Variants in DOCK10 observed in about 807,000 individuals in gnomAD.
DOCK10 encodes dedicator of cytokinesis 10.
A neutral mutation model predicts 280.1 loss-of-function variants in DOCK10; 145 were observed. The ratio of observed to expected loss-of-function variants is 0.52; its 90% confidence interval spans 0.45 to 0.59. The LOEUF is 0.59. Among genes scored for constraint, DOCK10 ranks in the 20% least tolerant of loss-of-function variants. The pLI, the probability that DOCK10 is intolerant of heterozygous loss-of-function variation, is 0.00. For synonymous variants in DOCK10, 915 were observed against 942.2 expected, an observed-to-expected ratio of 0.97 and a Z score of 0.53; for missense variants, 2,368 against 2,651.7, an observed-to-expected ratio of 0.89 and a Z score of 2.35.
intron 4 of DOCK10, among the ~76,000 whole-genome samples, chr2:224,890,287 T>C (rs1280491467): frequency 6.6e-6 from 1 of 152,192 alleles, no homozygotes; most frequent in African/African-American, 2.4e-5. Context: ...CGCATTAATG[T>C]AAATTTCCGC....
intron 11 of DOCK10, among the ~76,000 whole-genome samples, chr2:224,865,834 TTCTCTCTC>T (rs749148296): frequency 1.4e-5 from 2 of 143,620 alleles, no homozygotes; most frequent in Admixed American, 6.8e-5. Flanking sequence ...AACCTCCTGT[TTCTCTCTC>T]TCTCTCTCTC....
intron 1 of DOCK10, among the ~76,000 whole-genome samples, chr2:225,011,127 G>A (rs1467846834): frequency 6.6e-6 from 1 of 152,196 alleles, no homozygotes; most frequent in East Asian, 1.9e-4. Flanking sequence ...TATAGTCAAA[G>A]TTCTTTCACA....
intron 1 of DOCK10, among the ~76,000 whole-genome samples, chr2:224,966,629 A>G (rs767240593): frequency 6.6e-6 from 1 of 152,204 alleles, no homozygotes; most frequent in Non-Finnish European, 1.5e-5. Context: ...AACTGATCAC[A>G]CAGCCTTTAA....
intron 39 of DOCK10, among the ~76,000 whole-genome samples, chr2:224,803,239 C>T (rs1383840258): frequency 6.6e-6 from 1 of 152,030 alleles, no homozygotes; most frequent in African/African-American, 2.4e-5. Flanking sequence ...AACATGGAAA[C>T]TAATTCTTTA....
intron 47 of DOCK10, among the ~76,000 whole-genome samples, chr2:224,789,710 AG>A (rs1692010379): frequency 6.6e-6 from 1 of 152,024 alleles, no homozygotes; most frequent in African/African-American, 2.4e-5. Context: ...ATTGTACTCC[AG>A]CCTGGGTGAC....
In DOCK10 at chr2:224,823,648, C is replaced by T. The variant is rs944192330; in HGVS notation, c.3037-1G>A. On this transcript the variant is annotated splice_acceptor_variant, in intron 27 of 55. Transcript: ENST00000258390. LOFTEE classifies it high-confidence loss of function. ...CAGGAAATCTCTGAGGCCGGGGAAG[C>T]TAAGGAAAGAACGGATTATATCTTT... The T allele has an allele frequency of 4.4e-6, 7 of 1,588,532 alleles. No homozygotes were observed. In the African/African-American group the frequency reaches 9.6e-5, roughly 22 times the overall value.
chr2:224,770,143 C>A lies in DOCK10; in HGVS notation c.6444+68G>T. 1 of 1,419,980 alleles carries A rather than the reference C, an allele frequency of 7.0e-7. No homozygotes were observed. Among genetic ancestry groups the A allele is most frequent in the Non-Finnish European group, 9.2e-7 (1 of 1,084,434 alleles). 88.0% of individuals were successfully genotyped at this position (1,419,980 alleles called of 1,614,324 possible). On this transcript the variant is annotated intron_variant, in intron 55 of 55. Coordinates refer to ENST00000258390, the MANE Select transcript of DOCK10 (RefSeq NM_014689.3). The surrounding 1 kb of genome is among the most constrained non-coding windows in gnomAD (Gnocchi z 4.5). ...GCAAGAAAAGGGCCTCTTTCCTGTCCTTCTGGCATTGGGAGCGAAAGGGAC... is the reference window on the plus strand; with the variant it reads ...GCAAGAAAAGGGCCTCTTTCCTGTCATTCTGGCATTGGGAGCGAAAGGGAC...
At chr2:225,019,922 A>G (rs2106097587) in intron 1 of DOCK10, among the ~76,000 whole-genome samples, 1 of 152,354 alleles carries the variant, frequency 6.6e-6, no homozygotes. Flanking sequence ...AAGCTGAACC[A>G]ACAAGCTGAA....
intron 45 of DOCK10, among the ~76,000 whole-genome samples, chr2:224,794,322 T>C (rs1692404496): frequency 3.3e-5 from 5 of 152,260 alleles, no homozygotes; most frequent in Admixed American, 3.3e-4. Context: ...TTGGGTGCTA[T>C]GAATTGCTGC....
At position 224,792,956 on chromosome 2, in the gene DOCK10, A is replaced by G. The variant is rs376642115; in HGVS notation, c.5311+18T>C. 2.6e-6 allele frequency: 4 copies of G among 1,568,480 alleles called. No individual in the cohort carries two copies. The highest frequency in any genetic ancestry group is 3.5e-6 in the Non-Finnish European group (4 of 1,140,024). On this transcript the variant is annotated intron_variant, in intron 47 of 55. Transcript: ENST00000258390. ...GATTTCCTCTGCATTGGGATAAATG[A>G]GCAGTTAGGTCACTCACTTCCTCCA...
chr2:224,813,190 T>C (rs1057200280), intron 31 of DOCK10, among the ~76,000 whole-genome samples: 3 of 152,186 alleles, frequency 2.0e-5, no homozygotes, highest in African/African-American at 7.2e-5. Context: ...CCACCTTAAA[T>C]ATACAAAATT....
chr2:224,925,030 T>C (rs1701976944), intron 2 of DOCK10, among the ~76,000 whole-genome samples: 1 of 152,158 alleles, frequency 6.6e-6, no homozygotes, highest in South Asian at 2.1e-4. Flanking sequence ...AGAAAGAATC[T>C]AATTCGACAA....
intron 1 of DOCK10, among the ~76,000 whole-genome samples, chr2:224,980,493 G>A (rs758925756): frequency 3.8e-4 from 58 of 152,142 alleles, no homozygotes; most frequent in African/African-American, 4.8e-5. Flanking sequence ...GTTCATTGGC[G>A]GATTCCAAGT....
At chr2:225,007,783 C>T (rs1213971906) in intron 1 of DOCK10, among the ~76,000 whole-genome samples, 1 of 152,070 alleles carries the variant, frequency 6.6e-6, no homozygotes, top group Non-Finnish European at 1.5e-5. Flanking sequence ...TAAAAAACAT[C>T]CACAAAAAAG....
intron 23 of DOCK10, 100 bp downstream of exon 23, chr2:224,841,704 A>T: frequency 2.9e-6 from 2 of 700,892 alleles, no homozygotes. Context: ...AATCTTGAGT[A>T]ATAATCATCT....
At chr2:224,885,604 G>A (rs1699229753) in intron 7 of DOCK10, 67 bp downstream of exon 7, 1 of 1,461,534 alleles carries the variant, frequency 6.8e-7, no homozygotes, top group Non-Finnish European at 9.1e-7. Context: ...GATACTCCAT[G>A]AATATTTGTT....
Position 224,805,612 on chromosome 2 carries a change from A to T in DOCK10, c.3815-83T>A. The T allele has an allele frequency of 3.2e-6, 5 of 1,558,826 alleles. No homozygotes were observed. The African/African-American group carries it at 6.8e-5, about 21-fold the overall frequency. ...AAAAGGTTCACATGATGAACCAAAA[A>T]GATGTTGATACTGAGGTAGCAGCAG... On this transcript the variant is annotated intron_variant, in intron 34 of 55. Coordinates refer to ENST00000258390, the MANE Select transcript of DOCK10 (RefSeq NM_014689.3). This position sits in a 1 kb window ranked among gnomAD's most constrained non-coding sequence, Gnocchi z 4.3.
intron 27 of DOCK10, among the ~76,000 whole-genome samples, chr2:224,828,112 C>A (rs1292377900): frequency 6.6e-6 from 1 of 152,168 alleles, no homozygotes; most frequent in Admixed American, 6.5e-5. Context: ...CAGGGCAATA[C>A]CTGGAGGTTA....
At chr2:224,973,695 G>T (rs1705229440) in intron 1 of DOCK10, among the ~76,000 whole-genome samples, 1 of 152,138 alleles carries the variant, frequency 6.6e-6, no homozygotes, top group African/African-American at 2.4e-5. Context: ...TAAGTTCGTG[G>T]TCATTTATTA....
Sources: gnomAD v4.1 joint callset for allele counts (sites outside exome capture counted in the v4.1 genomes callset) on GRCh38, gnomAD v4.1.1 for gene constraint, Gnocchi (gnomAD v3.1) non-coding constraint, MANE v1.5 for transcripts, NCBI Gene and HGNC (gene_info 2026-07-23, HGNC 2026-07-21) for gene names.